The following PDE4D variants were observed in gnomAD, a reference collection of about 807,000 sequenced individuals.
The protein encoded by PDE4D is 3',5'-cyclic-AMP phosphodiesterase 4D.
A neutral mutation model predicts 87.4 loss-of-function variants in PDE4D; 24 were observed. The ratio of observed to expected loss-of-function variants is 0.27; its 90% CI spans 0.20 to 0.39. The LOEUF (loss-of-function observed/expected upper bound fraction) is 0.39, where lower values mean the gene tolerates loss of function less well. Among genes scored for constraint, PDE4D ranks in the 10% least tolerant of loss-of-function variants. PDE4D has a pLI of 1.00. For synonymous variants in PDE4D, 384 were observed against 383.2 expected (o/e 1.00, Z -0.02); for missense variants, 714 against 1,041.0 (o/e 0.69, Z 4.32).
intron 1 of PDE4D, among the ~76,000 whole-genome samples, chr5:59,789,796 G>A (rs371809308): frequency 1.6e-4 from 24 of 152,142 alleles, no homozygotes; most frequent in Admixed American, 9.8e-4. Flanking sequence ...TGGGGTCAGC[G>A]TTCTTCTAGG....
At chr5:59,963,101 G>C (rs1463662747) in intron 3 of PDE4D, among the ~76,000 whole-genome samples, 2 of 152,136 alleles carry the variant, frequency 1.3e-5, no homozygotes, top group African/African-American at 4.8e-5. Context: ...AAAGCATCTA[G>C]GGATGATGGA....
intron 1 of PDE4D, among the ~76,000 whole-genome samples, chr5:60,345,383 A>T (rs981179241): frequency 1.3e-5 from 2 of 152,042 alleles, no homozygotes; most frequent in African/African-American, 4.8e-5. Context: ...CCAACATGGC[A>T]CATGTATACA....
chr5:59,244,294 A>C (rs989796599), intron 1 of PDE4D, among the ~76,000 whole-genome samples: 9 of 151,988 alleles, frequency 5.9e-5, no homozygotes, highest in African/African-American at 2.2e-4. Context: ...GCTACTCAGG[A>C]GGCTGAGGTA....
At chr5:59,687,261 C>T (rs1035114854) in intron 1 of PDE4D, among the ~76,000 whole-genome samples, 1 of 151,966 alleles carries the variant, frequency 6.6e-6, no homozygotes, top group Admixed American at 6.6e-5. Flanking sequence ...AGAGCAACTC[C>T]AAGACACATA....
intron 5 of PDE4D, among the ~76,000 whole-genome samples, chr5:59,054,300 G>C (rs1376012852): frequency 6.6e-6 from 1 of 151,976 alleles, no homozygotes; most frequent in African/African-American, 2.4e-5. Context: ...TGAAGCAGTG[G>C]CTTACAAAGT....
intron 1 of PDE4D, among the ~76,000 whole-genome samples, chr5:59,570,610 C>A (rs2153695424): frequency 1.3e-5 from 2 of 149,850 alleles, no homozygotes; most frequent in South Asian, 4.3e-4. Flanking sequence ...ATTTTAAACA[C>A]AATGCTTTCA....
intron 1 of PDE4D, among the ~76,000 whole-genome samples, chr5:59,489,991 A>C (rs1805887884): frequency 6.6e-6 from 1 of 152,226 alleles, no homozygotes; most frequent in South Asian, 2.1e-4. Context: ...TAGTAAAATT[A>C]TAATATCAGC....
At chr5:59,205,274 G>C (rs909846550) in intron 2 of PDE4D, among the ~76,000 whole-genome samples, 8 of 151,926 alleles carry the variant, frequency 5.3e-5, no homozygotes, top group Admixed American at 6.6e-5. Context: ...CTTTTTCACT[G>C]AAGTGAAAAT....
chr5:59,602,328 A>G (rs1827623787), intron 1 of PDE4D, among the ~76,000 whole-genome samples: 1 of 152,086 alleles, frequency 6.6e-6, no homozygotes, highest in South Asian at 2.1e-4. Context: ...TTAACAAGGA[A>G]AAGTTGAAAG....
Position 60,217,733 on chromosome 5 carries a change from T to C in PDE4D, c.-89-32046A>G, listed in dbSNP as rs536897317. ...AAAAAGACAATTAAAGGAAAATAGCTAAAAAATTTGAATAGTATTTCATAT... is the reference window on the plus strand; with the variant it reads ...AAAAAGACAATTAAAGGAAAATAGCCAAAAAATTTGAATAGTATTTCATAT... On this transcript the variant is annotated intron_variant, in intron 1 of 16. Transcript: ENST00000502484. Among the ~76,000 whole-genome samples, 4 of 151,992 alleles carry C rather than the reference T, an allele frequency of 2.6e-5. 1 individual carries two copies. In the South Asian group the frequency reaches 8.3e-4, roughly 31 times the overall value.
At chr5:59,840,752 A>G (rs530962117) in intron 1 of PDE4D, among the ~76,000 whole-genome samples, 1 of 152,196 alleles carries the variant, frequency 6.6e-6, no homozygotes, top group East Asian at 1.9e-4. Context: ...TATGGCAAAT[A>G]GAGTTCTTGA....
intron 1 of PDE4D, among the ~76,000 whole-genome samples, chr5:59,554,611 T>C (rs1176136542): frequency 6.6e-6 from 1 of 152,206 alleles, no homozygotes; most frequent in African/African-American, 2.4e-5. Flanking sequence ...TCTCACACTA[T>C]GACTAGCATT....
rs898618142 is a variant in PDE4D at position 59,061,895 on chromosome 5, T to C, written c.809-22924A>G. On this transcript the variant is annotated intron_variant, in intron 5 of 14. Transcript: ENST00000340635. ...GTATAAAACGGCTATAAGTACCATG[T>C]TGAGTAGAGACCTACCACCGAAGTA... is the stretch of plus-strand genomic sequence containing the variant. Among the ~76,000 whole-genome samples the C allele has an allele frequency of 4.2e-4, 64 of 152,128 alleles. 1 individual carries two copies. Among genetic ancestry groups the C allele is most frequent in the African/African-American group, 1.5e-3 (64 of 41,422 alleles).
At chr5:59,371,192 AGAAAG>A (rs1562049537) in intron 1 of PDE4D, among the ~76,000 whole-genome samples, 1 of 152,234 alleles carries the variant, frequency 6.6e-6, no homozygotes, top group African/African-American at 2.4e-5. Flanking sequence ...AGTTAGGAAA[AGAAAG>A]GAAAGAAAGG....
chr5:59,037,816 A>G (rs963777384), intron 6 of PDE4D, among the ~76,000 whole-genome samples: 2 of 148,712 alleles, frequency 1.3e-5, no homozygotes, highest in African/African-American at 4.9e-5. Context: ...AACAGGTGGG[A>G]TAAAAACCAT....
chr5:60,304,990 A>T (rs1214366336), intron 1 of PDE4D, among the ~76,000 whole-genome samples: 2 of 149,034 alleles, frequency 1.3e-5, no homozygotes, highest in Non-Finnish European at 3.0e-5. Context: ...AAAATTGAGT[A>T]ATATATATAT....
chr5:59,102,914 G>A lies in PDE4D; in HGVS notation c.809-63943C>T, dbSNP rs1771007757. ...GGAGCATAACACTTAACAGCCGAAT[G>A]TTAAGACTACCATAAAAGGAGGAAG... On this transcript the variant is annotated intron_variant, in intron 5 of 14. Coordinates refer to ENST00000340635, the MANE Select transcript of PDE4D (RefSeq NM_001104631.2). 1.3e-5 allele frequency among the ~76,000 whole-genome samples: 2 copies of A among 152,178 alleles called. 1 individual carries two copies. Among genetic ancestry groups the A allele is most frequent in the South Asian group, 4.1e-4 (2 of 4,832 alleles).
At chr5:60,090,706 G>A (rs1418649021) in intron 2 of PDE4D, among the ~76,000 whole-genome samples, 1 of 152,102 alleles carries the variant, frequency 6.6e-6, no homozygotes, top group Non-Finnish European at 1.5e-5. Context: ...GATACAAAGT[G>A]CATCTAAATT....
chr5:59,835,338 G>T (rs1431729145), intron 1 of PDE4D, among the ~76,000 whole-genome samples: 4 of 151,990 alleles, frequency 2.6e-5, no homozygotes, highest in Non-Finnish European at 5.9e-5. Flanking sequence ...GTGCAGCCTG[G>T]ATTTGAGCCC....
Sources: gnomAD v4.1 joint callset for allele counts (sites outside exome capture counted in the v4.1 genomes callset) on GRCh38, gnomAD v4.1.1 for gene constraint, MANE v1.5 for transcripts, NCBI Gene and HGNC (gene_info 2026-07-23, HGNC 2026-07-21) for gene names.